The following TBC1D15 variants were observed in gnomAD, a reference collection of about 807,000 sequenced individuals.
TBC1D15 encodes the protein TBC1 domain family member 15, also known as GAP for RAB7.
Under a neutral mutation model 95.4 loss-of-function variants are expected in TBC1D15, and 39 were observed. The observed-to-expected ratio is 0.41, with a 90% confidence interval of 0.32 to 0.53. The LOEUF (loss-of-function observed/expected upper bound fraction) is 0.53. Ranked by LOEUF, TBC1D15 falls within the 20% of genes least tolerant of loss-of-function variation. TBC1D15 has a pLI of 0.29. For missense variants in TBC1D15, 733 were observed against 794.3 expected (o/e 0.92, Z 0.93); for synonymous variants, 258 against 261.3 (o/e 0.99, Z 0.12).
intron 1 of TBC1D15, among the ~76,000 whole-genome samples, chr12:71,856,472 G>GTGTA (rs1889104457): frequency 6.6e-6 from 1 of 150,378 alleles, no homozygotes; most frequent in African/African-American, 2.4e-5. Context: ...GTCTCTGGTA[G>GTGTA]TGTAGACTTT....
Position 71,894,805 on chromosome 12 carries a change from G to A in TBC1D15, c.777G>A (p.Met259Ile). 6.2e-7 allele frequency: 1 copy of A among 1,613,192 alleles called. No homozygotes were observed. The highest frequency in any genetic ancestry group is 8.5e-7 in the Non-Finnish European group (1 of 1,179,374). Residue 259 changes from methionine to isoleucine, a missense_variant, in exon 7 of 17, where the codon ATG becomes ATA. Physicochemically the swap from Met to Ile is conservative, Grantham distance 10. Coordinates refer to ENST00000485960, the MANE Select transcript of TBC1D15 (RefSeq NM_001146213.3). ...CACATCAACGACCACCTTCAGAAAT[G>A]GCAGATTTTCTTAGTGATGCTATTC... ...PSTHQRPPSE[M>I]ADFLSDAIPG...
chr12:71,892,523 T>A (rs1276153557), intron 5 of TBC1D15, among the ~76,000 whole-genome samples: 1 of 151,988 alleles, frequency 6.6e-6, no homozygotes, highest in Non-Finnish European at 1.5e-5. Context: ...AGAAATTAGA[T>A]GTCTGTTTTG....
chr12:71,901,200 T>G (rs1351666504), intron 10 of TBC1D15, among the ~76,000 whole-genome samples: 2 of 152,104 alleles, frequency 1.3e-5, no homozygotes. Context: ...TTTAAATTTT[T>G]TTGTACAAAT....
intron 1 of TBC1D15, among the ~76,000 whole-genome samples, chr12:71,843,907 C>T (rs956383409): frequency 6.6e-6 from 1 of 152,086 alleles, no homozygotes; most frequent in African/African-American, 2.4e-5. Flanking sequence ...GATGTATTGC[C>T]CTTACAACCA....
chr12:71,849,575 GAAAA>G, intron 1 of TBC1D15: 1 of 667,300 alleles, frequency 1.5e-6, no homozygotes, highest in South Asian at 1.5e-5. Flanking sequence ...CCAGATTGAT[GAAAA>G]TAATACTTTG....
chr12:71,919,456 A>G (rs1384015951), intron 14 of TBC1D15, among the ~76,000 whole-genome samples: 1 of 152,202 alleles, frequency 6.6e-6, no homozygotes, highest in Non-Finnish European at 1.5e-5. Context: ...TTGTAAATCC[A>G]ACTTTATACA....
intron 1 of TBC1D15, chr12:71,849,946 G>C: frequency 1.8e-6 from 1 of 542,662 alleles, no homozygotes; most frequent in Non-Finnish European, 3.6e-6. Flanking sequence ...TTCCCCTGAA[G>C]GGTGTTGATC....
chr12:71,904,592 A>G (rs531983637), intron 10 of TBC1D15, among the ~76,000 whole-genome samples: 2 of 152,306 alleles, frequency 1.3e-5, no homozygotes, highest in East Asian at 1.9e-4. Flanking sequence ...GTCCTTGGGT[A>G]GTCAATAGGG....
intron 1 of TBC1D15, chr12:71,849,441 G>C: frequency 9.2e-7 from 1 of 1,090,390 alleles, no homozygotes; most frequent in African/African-American, 1.6e-5. Context: ...CACTCCATGG[G>C]CCTCTTCAAG....
At chr12:71,864,638 C>T (rs909198999) in intron 1 of TBC1D15, among the ~76,000 whole-genome samples, 3 of 152,110 alleles carry the variant, frequency 2.0e-5, no homozygotes, top group Admixed American at 2.0e-4. Flanking sequence ...TCCCGGGTAG[C>T]TGGGATTACA....
chr12:71,913,645 C>T, intron 11 of TBC1D15, 181 bp from the exon 12 acceptor site: 1 of 503,440 alleles, frequency 2.0e-6, no homozygotes. Flanking sequence ...ATCTTTCTTA[C>T]TTATGACTAG....
chr12:71,918,366 C>A, intron 13 of TBC1D15, 85 bp from the exon 14 acceptor site: 1 of 818,144 alleles, frequency 1.2e-6, no homozygotes, highest in Non-Finnish European at 1.9e-6. Context: ...GCCTAAGATG[C>A]ATAGGAAAGT....
intron 2 of TBC1D15, 78 bp downstream of exon 2, chr12:71,872,246 G>A (rs1592732989): frequency 1.3e-6 from 1 of 781,172 alleles, no homozygotes; most frequent in Non-Finnish European, 2.0e-6. Flanking sequence ...CAGAAAGTTT[G>A]AATTTCATGT....
At chr12:71,858,815 C>G (rs567281783) in intron 1 of TBC1D15, among the ~76,000 whole-genome samples, 1 of 152,202 alleles carries the variant, frequency 6.6e-6, no homozygotes, top group South Asian at 2.1e-4. Context: ...CCTTGGTCTC[C>G]CAAAGTGTTG....
At chr12:71,857,552 T>C (rs1565954663) in intron 1 of TBC1D15, among the ~76,000 whole-genome samples, 1 of 152,168 alleles carries the variant, frequency 6.6e-6, no homozygotes, top group African/African-American at 2.4e-5. Context: ...AGTTGGACTT[T>C]AAAAAATCTA....
intron 3 of TBC1D15, among the ~76,000 whole-genome samples, chr12:71,877,213 T>G (rs951808953): frequency 2.3e-4 from 35 of 151,098 alleles, no homozygotes; most frequent in East Asian, 9.7e-4. Context: ...TGTGTGTGTT[T>G]TTTTTTTTTT....
At chr12:71,910,861 C>T (rs1310545791) in intron 11 of TBC1D15, among the ~76,000 whole-genome samples, 1 of 152,094 alleles carries the variant, frequency 6.6e-6, no homozygotes, top group East Asian at 1.9e-4. Flanking sequence ...AGAAGGTTTT[C>T]ACAACCTACT....
rs1290777280 is a variant in TBC1D15 at position 71,923,161 on chromosome 12, A to C, written c.1982A>C (p.Gln661Pro). The C allele has an allele frequency of 8.1e-6, 13 of 1,614,104 alleles. No homozygotes were observed. Among genetic ancestry groups the C allele is most frequent in the African/African-American group, 4.0e-5 (3 of 74,948 alleles). The change falls in exon 17 of 17, where the codon CAG (glutamine) becomes CCG (proline). Residue 661 changes from glutamine (Q) to proline (P), a missense_variant. Coordinates refer to ENST00000485960, the MANE Select transcript of TBC1D15 (RefSeq NM_001146213.3). ...ASGARNDSPT[Q>P]IPVSSDVCRL... is the part of the protein sequence containing the mutation. ...GGAGCCAGAAATGACAGCCCAACAC[A>C]GATACCAGTGTCCTCAGATGTCTGC...
At chr12:71,857,894 C>T (rs536025109) in intron 1 of TBC1D15, among the ~76,000 whole-genome samples, 1 of 152,274 alleles carries the variant, frequency 6.6e-6, no homozygotes, top group South Asian at 2.1e-4. Flanking sequence ...CTTTCTACTT[C>T]GTTGAAGCCA....
Sources: allele counts gnomAD v4.1 joint callset (sites outside exome capture counted in the v4.1 genomes callset), GRCh38; gene constraint gnomAD v4.1.1; transcripts MANE v1.5; gene names NCBI Gene and HGNC (gene_info 2026-07-23, HGNC 2026-07-21).